The following UBE2E2 variants were observed in gnomAD, a reference collection of about 807,000 sequenced individuals.
The protein encoded by UBE2E2 is ubiquitin-conjugating enzyme E2 E2.
In UBE2E2, 6 loss-of-function variants were observed where a neutral mutation model predicts 24.7. That is an observed-to-expected ratio of 0.24 (90% CI 0.13 to 0.48). The LOEUF (loss-of-function observed/expected upper bound fraction) is 0.48, where lower values mean the gene tolerates loss of function less well. Ranked by LOEUF, UBE2E2 falls within the 20% of genes least tolerant of loss-of-function variation. The pLI is 0.99. For synonymous variants in UBE2E2, 104 were observed against 83.6 expected (o/e 1.24, Z -1.33); for missense variants, 169 against 245.0 (o/e 0.69, Z 2.07).
At chr3:23,262,826 T>G (rs1017678514) in intron 3 of UBE2E2, among the ~76,000 whole-genome samples, 1 of 152,194 alleles carries the variant, frequency 6.6e-6, no homozygotes, top group Non-Finnish European at 1.5e-5. Context: ...ATCCAAAAAA[T>G]CCTTGCCGAG....
intron 3 of UBE2E2, among the ~76,000 whole-genome samples, chr3:23,307,532 T>A (rs537507948): frequency 6.6e-6 from 1 of 152,200 alleles, no homozygotes; most frequent in Non-Finnish European, 1.5e-5. Flanking sequence ...TAGTGTGTAT[T>A]TTGTTCTCAT....
intron 2 of UBE2E2, among the ~76,000 whole-genome samples, chr3:23,210,153 T>A (rs1346802052): frequency 6.6e-6 from 1 of 151,890 alleles, no homozygotes; most frequent in Non-Finnish European, 1.5e-5. Context: ...AATATGACAT[T>A]TAGGTGAAAG....
At chr3:23,563,792 A>G (rs1695994440) in intron 5 of UBE2E2, among the ~76,000 whole-genome samples, 1 of 152,076 alleles carries the variant, frequency 6.6e-6, no homozygotes, top group Non-Finnish European at 1.5e-5. Context: ...TTATTCTATT[A>G]ATATTATTTG....
chr3:23,399,968 C>T (rs1300370418), intron 3 of UBE2E2, among the ~76,000 whole-genome samples: 1 of 152,150 alleles, frequency 6.6e-6, no homozygotes, highest in African/African-American at 2.4e-5. Flanking sequence ...CAGGAGGCCA[C>T]TTTTAACTGC....
intron 4 of UBE2E2, among the ~76,000 whole-genome samples, chr3:23,522,734 A>G (rs1694898756): frequency 6.6e-6 from 1 of 152,244 alleles, no homozygotes; most frequent in African/African-American, 2.4e-5. Context: ...ATTTGAATCT[A>G]AATCAGCTCT....
At chr3:23,330,590 A>G (rs1384092567) in intron 3 of UBE2E2, among the ~76,000 whole-genome samples, 1 of 152,224 alleles carries the variant, frequency 6.6e-6, no homozygotes, top group African/African-American at 2.4e-5. Context: ...GAATTTGGAT[A>G]AGGCAGAGTG....
intron 3 of UBE2E2, among the ~76,000 whole-genome samples, chr3:23,415,205 A>T (rs1304850026): frequency 6.6e-6 from 1 of 152,208 alleles, no homozygotes; most frequent in Non-Finnish European, 1.5e-5. Flanking sequence ...GCAGGTAAAG[A>T]TATTAGATGC....
At chr3:23,235,648 A>G (rs1340628753) in intron 3 of UBE2E2, among the ~76,000 whole-genome samples, 2 of 152,098 alleles carry the variant, frequency 1.3e-5, no homozygotes, top group Non-Finnish European at 1.5e-5. Flanking sequence ...AGATAGAAAG[A>G]GGGTCATTTG....
At chr3:23,571,607 G>A (rs556965320) in intron 5 of UBE2E2, among the ~76,000 whole-genome samples, 1 of 152,078 alleles carries the variant, frequency 6.6e-6, no homozygotes, top group South Asian at 2.1e-4. Context: ...TTCTTGATAG[G>A]ACACTGACAA....
chr3:23,224,305 C>G (rs1321820117), intron 3 of UBE2E2, among the ~76,000 whole-genome samples: 1 of 151,470 alleles, frequency 6.6e-6, no homozygotes, highest in Non-Finnish European at 1.5e-5. Flanking sequence ...ACATAGAATA[C>G]CTTTCCATTT....
chr3:23,580,010 G>A (rs1696439730), intron 5 of UBE2E2, among the ~76,000 whole-genome samples: 1 of 152,198 alleles, frequency 6.6e-6, no homozygotes, highest in Non-Finnish European at 1.5e-5. Flanking sequence ...AAATGTGACT[G>A]AACTGCTATA....
chr3:23,544,511 C>A (rs1695471419), intron 5 of UBE2E2, among the ~76,000 whole-genome samples: 1 of 152,166 alleles, frequency 6.6e-6, no homozygotes, highest in South Asian at 2.1e-4. Flanking sequence ...TTCACCTCAG[C>A]CCTGCCAGAA....
chr3:23,353,965 C>G (rs1695848663), intron 3 of UBE2E2, among the ~76,000 whole-genome samples: 1 of 152,180 alleles, frequency 6.6e-6, no homozygotes, highest in African/African-American at 2.4e-5. Context: ...CTGGAGGCAT[C>G]ACGCTACCTG....
chr3:23,327,858 G>C lies in UBE2E2; in HGVS notation c.227+110546G>C, dbSNP rs74627900. On this transcript the variant is annotated intron_variant, in intron 3 of 5. Coordinates refer to ENST00000396703, the MANE Select transcript of UBE2E2 (RefSeq NM_152653.4). ...AGTTTGTGAAGATTAAGTTTTTCAGGGTTCTGATTTCATGAAATGTCATTC... is the reference window on the plus strand; with the variant it reads ...AGTTTGTGAAGATTAAGTTTTTCAGCGTTCTGATTTCATGAAATGTCATTC... 1.0e-3 allele frequency among the ~76,000 whole-genome samples: 155 copies of C among 152,120 alleles called. 1 individual carries two copies. In the East Asian group the frequency reaches 0.027, roughly 27 times the overall value.
intron 3 of UBE2E2, among the ~76,000 whole-genome samples, chr3:23,328,919 C>T (rs1694986081): frequency 6.6e-6 from 1 of 152,200 alleles, no homozygotes; most frequent in African/African-American, 2.4e-5. Flanking sequence ...ACCTCGGTCT[C>T]CCAAATTGCT....
In UBE2E2 at chr3:23,591,603, A is replaced by C. The variant is rs1195327008; in HGVS notation, c.*1772A>C. 6.6e-6 allele frequency: 1 copy of C among 152,230 alleles called. No individual in the cohort carries two copies. The highest frequency in any genetic ancestry group is 1.5e-5 in the Non-Finnish European group (1 of 68,048). The allele number at this position is 152,230 out of a possible 1,614,324, so 9.4% of individuals were successfully genotyped here. A position where few individuals can be genotyped will look rare whatever the true frequency, so the allele number is the denominator to read the frequency against. ...TAGTAGAGGGAGCCACAGACAGTACATAAATGCATTGGGCAGAGCTATATT... is the reference window on the plus strand; with the variant it reads ...TAGTAGAGGGAGCCACAGACAGTACCTAAATGCATTGGGCAGAGCTATATT... On this transcript the variant is annotated 3_prime_UTR_variant, in exon 6 of 6. Coordinates refer to ENST00000396703, the MANE Select transcript of UBE2E2 (RefSeq NM_152653.4).
intron 5 of UBE2E2, among the ~76,000 whole-genome samples, chr3:23,533,250 T>C (rs1161076957): frequency 6.6e-6 from 1 of 152,214 alleles, no homozygotes; most frequent in Admixed American, 6.5e-5. Context: ...TAGCCAGGCC[T>C]TTATGGCTTG....
chr3:23,561,182 T>C (rs965281623), intron 5 of UBE2E2, among the ~76,000 whole-genome samples: 1 of 152,234 alleles, frequency 6.6e-6, no homozygotes, highest in Non-Finnish European at 1.5e-5. Context: ...CTAGGTTTTC[T>C]TCTAGGGTTT....
At chr3:23,448,578 T>G (rs921326513) in intron 3 of UBE2E2, among the ~76,000 whole-genome samples, 14 of 152,216 alleles carry the variant, frequency 9.2e-5, no homozygotes, top group Non-Finnish European at 1.8e-4. Flanking sequence ...TACAGTAACA[T>G]TAAATACTTG....
Sources: gnomAD v4.1 joint callset for allele counts (sites outside exome capture counted in the v4.1 genomes callset) on GRCh38, gnomAD v4.1.1 for gene constraint, MANE v1.5 for transcripts, NCBI Gene and HGNC (gene_info 2026-07-23, HGNC 2026-07-21) for gene names.